IQCB1: variants seen among roughly 807,000 people sequenced by gnomAD.
IQCB1 encodes the protein IQ calmodulin-binding motif-containing protein 1.
In IQCB1, 56 loss-of-function variants were observed where a neutral mutation model predicts 84.4. The observed-to-expected ratio is 0.66, with a 90% CI of 0.54 to 0.83. The LOEUF is 0.83. Ranked by LOEUF, IQCB1 falls within the 40% of genes least tolerant of loss-of-function variation. The pLI, the probability that IQCB1 is intolerant of heterozygous loss-of-function variation, is 0.00. For missense variants in IQCB1, 629 were observed against 682.1 expected, an observed-to-expected ratio of 0.92 and a Z score of 0.87; for synonymous variants, 210 against 234.8, an observed-to-expected ratio of 0.89 and a Z score of 0.96.
chr3:121,828,306 G>A (rs1170024467), intron 4 of IQCB1, among the ~76,000 whole-genome samples, 164 bp downstream of exon 4: 3 of 152,164 alleles, frequency 2.0e-5, no homozygotes, highest in Non-Finnish European at 2.9e-5. Context: ...ATAATCTGAA[G>A]TAAAATTATG....
At chr3:121,799,050 T>A (rs1430130905) in intron 8 of IQCB1, 146 bp downstream of exon 8, 1 of 615,444 alleles carries the variant, frequency 1.6e-6, no homozygotes, top group South Asian at 2.0e-5. Context: ...AAAGACTTTT[T>A]TTTTTCTGAA....
intron 5 of IQCB1, among the ~76,000 whole-genome samples, chr3:121,809,990 C>G (rs1949764606): frequency 6.6e-6 from 1 of 150,810 alleles, no homozygotes; most frequent in Non-Finnish European, 1.5e-5. Context: ...AGCAAGAATC[C>G]TTTTATCCTT....
chr3:121,788,244 G>A (rs771378627), intron 12 of IQCB1, 40 bp downstream of exon 12: 2 of 1,598,618 alleles, frequency 1.3e-6, no homozygotes, highest in African/African-American at 1.3e-5. Flanking sequence ...TCATGTTTTT[G>A]CCTCTTGATT....
At chr3:121,822,867 T>C (rs866595668) in intron 5 of IQCB1, among the ~76,000 whole-genome samples, 10 of 152,172 alleles carry the variant, frequency 6.6e-5, no homozygotes, top group African/African-American at 2.2e-4. Flanking sequence ...ATTTCTACAA[T>C]GTGTCATTCA....
intron 12 of IQCB1, among the ~76,000 whole-genome samples, chr3:121,786,170 C>CAAGAAG: frequency 6.6e-4 from 48 of 72,848 alleles, no homozygotes; most frequent in Non-Finnish European, 8.9e-4. Flanking sequence ...GATTCTGTCT[C>CAAGAAG]AAAAGAAAAG....
At chr3:121,806,603 C>G (rs910077076) in intron 7 of IQCB1, among the ~76,000 whole-genome samples, 7 of 152,026 alleles carry the variant, frequency 4.6e-5, no homozygotes, top group African/African-American at 1.7e-4. Context: ...TCCTCCCTGG[C>G]CAATATACCA....
chr3:121,800,228 C>T (rs1354239807), intron 7 of IQCB1, among the ~76,000 whole-genome samples: 2 of 151,858 alleles, frequency 1.3e-5, no homozygotes, highest in African/African-American at 2.4e-5. Context: ...TACATTTCTT[C>T]GACAAACCAA....
chr3:121,822,977 C>T (rs1950328179), intron 5 of IQCB1, among the ~76,000 whole-genome samples: 3 of 152,154 alleles, frequency 2.0e-5, no homozygotes, highest in Admixed American at 2.0e-4. Flanking sequence ...AATAAAAAGA[C>T]TCTCAAATGA....
chr3:121,782,766 C>G (rs1283034465), intron 12 of IQCB1, among the ~76,000 whole-genome samples: 4 of 152,084 alleles, frequency 2.6e-5, no homozygotes, highest in African/African-American at 9.7e-5. Context: ...GCAACCTCCA[C>G]CCCGCCAGGT....
chr3:121,782,345 T>A (rs752209579), intron 12 of IQCB1, among the ~76,000 whole-genome samples: 3 of 152,264 alleles, frequency 2.0e-5, no homozygotes, highest in Non-Finnish European at 4.4e-5. Context: ...ATAGGCATTA[T>A]ATGGGACAAA....
chr3:121,831,339 AT>A (rs56750862), intron 2 of IQCB1, among the ~76,000 whole-genome samples: 32,448 of 151,620 alleles, frequency 0.21, 3,943 homozygotes, highest in Non-Finnish European at 0.28. Flanking sequence ...CGCTCGGCTA[AT>A]TTTTTGTATT....
rs78742442 is a variant in IQCB1 at position 121,826,388 on chromosome 3, T to C, written c.264-208A>G. Among the ~76,000 whole-genome samples, 1,317 of 152,330 alleles carry C rather than the reference T, an allele frequency of 8.6e-3. 15 individuals are homozygous for C. The highest frequency in any genetic ancestry group is 0.025 in the African/African-American group (1,020 of 41,580). On this transcript the variant is annotated intron_variant, in intron 4 of 14. Coordinates refer to ENST00000310864, the MANE Select transcript of IQCB1 (RefSeq NM_001023570.4). ...CTTGTACTTAGGTCTGGGATTTATGTATCCTAAAAACCTACATATCAGCTC... is the reference window on the plus strand; with the variant it reads ...CTTGTACTTAGGTCTGGGATTTATGCATCCTAAAAACCTACATATCAGCTC...
At chr3:121,810,102 C>G (rs1017294930) in intron 5 of IQCB1, among the ~76,000 whole-genome samples, 8 of 152,066 alleles carry the variant, frequency 5.3e-5, no homozygotes, top group African/African-American at 9.7e-5. Context: ...GTGTTGTACT[C>G]TTAGACTTCC....
chr3:121,796,585 G>A (rs1949201081), intron 9 of IQCB1, among the ~76,000 whole-genome samples: 1 of 152,054 alleles, frequency 6.6e-6, no homozygotes, highest in Non-Finnish European at 1.5e-5. Context: ...CAAAGGAAAA[G>A]GCATTATTGT....
At chr3:121,802,917 G>T (rs1949463686) in intron 7 of IQCB1, among the ~76,000 whole-genome samples, 1 of 151,818 alleles carries the variant, frequency 6.6e-6, no homozygotes, top group South Asian at 2.1e-4. Context: ...TTTCTCCTTT[G>T]TCTTGTGAGT....
chr3:121,831,574 A>C (rs1219848681), intron 2 of IQCB1, among the ~76,000 whole-genome samples: 1 of 152,126 alleles, frequency 6.6e-6, no homozygotes, highest in Non-Finnish European at 1.5e-5. Context: ...CTCTTGCAGG[A>C]CTAAGCCCTA....
At position 121,787,992 on chromosome 3, in the gene IQCB1, C is replaced by G. The variant is rs190254369; in HGVS notation, c.1278+292G>C. Among the ~76,000 whole-genome samples, 5 of 152,248 alleles carry G rather than the reference C, an allele frequency of 3.3e-5. No homozygotes were observed. In the East Asian group the frequency reaches 9.6e-4, roughly 29 times the overall value. On this transcript the variant is annotated intron_variant, in intron 12 of 14. Transcript: ENST00000310864. ...ATGTGATGAGCTGACAACAATAAGA[C>G]TTAGCTCCTTATTCTTGAAGAACTC...
intron 5 of IQCB1, among the ~76,000 whole-genome samples, chr3:121,824,212 G>A (rs1474127476): frequency 6.6e-6 from 1 of 152,140 alleles, no homozygotes; most frequent in Non-Finnish European, 1.5e-5. Flanking sequence ...GGTGTGGATA[G>A]TACTGAACCC....
At chr3:121,824,045 A>G (rs1950366493) in intron 5 of IQCB1, among the ~76,000 whole-genome samples, 1 of 152,220 alleles carries the variant, frequency 6.6e-6, no homozygotes, top group Admixed American at 6.5e-5. Context: ...AGCTTGTCAG[A>G]CTAGATGAAA....
Sources: gnomAD v4.1 joint callset for allele counts (sites outside exome capture counted in the v4.1 genomes callset) on GRCh38, gnomAD v4.1.1 for gene constraint, MANE v1.5 for transcripts, NCBI Gene and HGNC (gene_info 2026-07-23, HGNC 2026-07-21) for gene names.